ZNF567: variants seen among roughly 807,000 people sequenced by gnomAD.
ZNF567 encodes the protein zinc finger protein 567.
A neutral mutation model predicts 53.9 loss-of-function variants in ZNF567; 36 were observed. The ratio of observed to expected loss-of-function variants is 0.67; its 90% CI spans 0.51 to 0.88. The LOEUF is 0.88. ZNF567 is among the 40% of genes least tolerant of loss of function. The probability of loss-of-function intolerance (pLI) is 0.00; values close to 1 mark genes in which losing one functional copy is unlikely to be tolerated. For missense variants in ZNF567, 619 were observed against 764.7 expected (o/e 0.81, Z 2.25); for synonymous variants, 224 against 260.4 (o/e 0.86, Z 1.35).
chr19:36,684,315 T>C (rs2038230116), upstream of ZNF567, among the ~76,000 whole-genome samples: 1 of 152,232 alleles, frequency 6.6e-6, no homozygotes, highest in South Asian at 2.1e-4. Context: ...CAAAGTGCTT[T>C]ACTTTAAGCT....
intron 1 of ZNF567, among the ~76,000 whole-genome samples, 161 bp from the exon 2 acceptor site, chr19:36,689,236 A>AGTGTGTGTGTGTGTGTGT (rs59984347): frequency 7.2e-6 from 1 of 138,906 alleles, no homozygotes; most frequent in Non-Finnish European, 1.5e-5. Context: ...CCTATTTGAG[A>AGTGTGTGTGTGTGTGTGT]GTGTGTGTGT....
At chr19:36,717,791 T>C (rs1304097709) in intron 5 of ZNF567, among the ~76,000 whole-genome samples, 1 of 152,204 alleles carries the variant, frequency 6.6e-6, no homozygotes, top group African/African-American at 2.4e-5. Flanking sequence ...ATCTACCATT[T>C]GAAATTGGTA....
chr19:36,719,382 C>T lies in ZNF567; in HGVS notation c.658C>T (p.Leu220Phe), dbSNP rs1232341602. 3 of 1,613,728 alleles carry T rather than the reference C, an allele frequency of 1.9e-6. No individual in the cohort carries two copies. Among genetic ancestry groups the T allele is most frequent in the Non-Finnish European group, 2.5e-6 (3 of 1,179,974 alleles). Residue 220 changes from leucine to phenylalanine, a missense_variant, in exon 6 of 6, where the codon CTT becomes TTT. By Grantham distance (22) the Leu-to-Phe change is conservative. Coordinates refer to ENST00000682579, the MANE Select transcript of ZNF567 (RefSeq NM_001322917.1). ...FGYNDCEKSF[L>F]QRGGLITHSR... ...ATATAATGACTGTGAGAAATCATTCCTTCAAAGGGGAGGCCTGATTACACA... is the reference window on the plus strand; with the variant it reads ...ATATAATGACTGTGAGAAATCATTCTTTCAAAGGGGAGGCCTGATTACACA...
the ZNF567 span, among the ~76,000 whole-genome samples, chr19:36,678,498 T>G: frequency 6.6e-6 from 1 of 152,072 alleles, no homozygotes; most frequent in Non-Finnish European, 1.5e-5. Context: ...ATATATTGGA[T>G]AAGGGGCTAA....
At chr19:36,675,091 T>A in the ZNF567 span, among the ~76,000 whole-genome samples, 2 of 152,126 alleles carry the variant, frequency 1.3e-5, no homozygotes, top group African/African-American at 4.8e-5. Flanking sequence ...AATCTTCCAT[T>A]TAATAAAATG....
At chr19:36,676,423 T>G in the ZNF567 span, among the ~76,000 whole-genome samples, 1 of 151,944 alleles carries the variant, frequency 6.6e-6, no homozygotes, top group Non-Finnish European at 1.5e-5. Context: ...AGTTCTGGAA[T>G]TTTTAAACTA....
At position 36,715,509 on chromosome 19, in the gene ZNF567, AATTATTATTATT is replaced by A. The variant is rs747530916; in HGVS notation, c.223+2667_223+2678del. Among the ~76,000 whole-genome samples the A allele has an allele frequency of 9.2e-3, 422 of 45,806 alleles. 4 individuals are homozygous for A. Among genetic ancestry groups the A allele is most frequent in the African/African-American group, 0.046 (396 of 8,554 alleles). The allele number at this position is 45,806 out of a possible 152,430, so 30.1% of individuals were successfully genotyped here. The stretch of plus-strand genomic sequence containing the variant: ...TAATAATAATAATAATAATAATAAT[AATTATTATTATT>A]ATTATTATTATTATTATTATTATTT... On this transcript the variant is annotated intron_variant, in intron 5 of 5. Transcript: ENST00000682579.
the ZNF567 span, chr19:36,668,733 G>A: frequency 6.6e-6 from 1 of 152,190 alleles, no homozygotes; most frequent in African/African-American, 2.4e-5. Context: ...CTTGCTGAGA[G>A]ACCAGTAACT....
the ZNF567 span, chr19:36,668,621 CTGTGTATGTTTG>C: frequency 6.6e-6 from 1 of 152,192 alleles, no homozygotes; most frequent in Non-Finnish European, 1.5e-5. Flanking sequence ...TGTGAGGTGA[CTGTGTATGTTTG>C]TGTGTGAGAG....
chr19:36,723,420 A>C (rs1686037440), downstream of ZNF567: 1 of 563,608 alleles, frequency 1.8e-6, no homozygotes, highest in Non-Finnish European at 3.2e-6. Context: ...TCAGTAGAAC[A>C]TTGTATCCAA....
downstream of ZNF567, among the ~76,000 whole-genome samples, chr19:36,725,548 C>G (rs950498262): frequency 1.3e-5 from 2 of 152,062 alleles, no homozygotes; most frequent in Admixed American, 6.6e-5. Context: ...TACGGTGTTA[C>G]GTTTTGGGGA....
chr19:36,688,781 TG>T (rs2038413541), intron 1 of ZNF567, among the ~76,000 whole-genome samples: 2 of 138,178 alleles, frequency 1.4e-5, no homozygotes, highest in Admixed American at 1.5e-4. Flanking sequence ...CAATCCAGCC[TG>T]GGTGGCAGAG....
the ZNF567 span, among the ~76,000 whole-genome samples, chr19:36,674,864 G>A: frequency 1.3e-5 from 2 of 151,718 alleles, no homozygotes; most frequent in African/African-American, 2.4e-5. Context: ...AGCGATTCTC[G>A]TGCCCCAGCC....
chr19:36,695,283 C>G (rs1600505718), intron 3 of ZNF567, among the ~76,000 whole-genome samples: 1 of 151,172 alleles, frequency 6.6e-6, no homozygotes, highest in South Asian at 2.1e-4. Flanking sequence ...AATCCCAGCA[C>G]TTTGGGAGGC....
At chr19:36,718,837 G>A (rs928135316) in intron 5 of ZNF567, 111 bp from the exon 6 acceptor site, 2 of 820,880 alleles carry the variant, frequency 2.4e-6, no homozygotes, top group Admixed American at 3.1e-5. Flanking sequence ...CAGGCCAGTG[G>A]TCATTTGTTC....
At chr19:36,684,997 G>C (rs1951704639), upstream of ZNF567, among the ~76,000 whole-genome samples, 3 of 152,096 alleles carry the variant, frequency 2.0e-5, no homozygotes, top group African/African-American at 7.2e-5. Context: ...GATGTAAAAA[G>C]GGAGACCCGG....
At chr19:36,695,501 C>T (rs1316101276) in intron 3 of ZNF567, among the ~76,000 whole-genome samples, 1 of 152,034 alleles carries the variant, frequency 6.6e-6, no homozygotes, top group Non-Finnish European at 1.5e-5. Flanking sequence ...TGCACTCCAG[C>T]ATGGGTGTCA....
chr19:36,706,790 G>C (rs1030434549), intron 3 of ZNF567, among the ~76,000 whole-genome samples: 1 of 147,508 alleles, frequency 6.8e-6, no homozygotes, highest in Non-Finnish European at 1.5e-5. Flanking sequence ...TGAGTAGCTA[G>C]GACTGCAGGC....
rs182396091 is a variant in ZNF567 at position 36,692,997 on chromosome 19, C to T, written c.-66-1805C>T. On this transcript the variant is annotated intron_variant, in intron 2 of 5. Transcript: ENST00000682579. ...CTCTTTCTCAAAGTTTTCAGCAACC[C>T]TGGGAGTAGGCGGTATGTGGTGGTT... 4.9e-4 allele frequency among the ~76,000 whole-genome samples: 75 copies of T among 152,120 alleles called. No homozygotes were observed. In the Middle Eastern group the frequency reaches 0.014, roughly 28 times the overall value.
Sources: gnomAD v4.1 joint callset for allele counts (sites outside exome capture counted in the v4.1 genomes callset) on GRCh38, gnomAD v4.1.1 for gene constraint, MANE v1.5 for transcripts, NCBI Gene and HGNC (gene_info 2026-07-23, HGNC 2026-07-21) for gene names.